The following ECM2 variants were observed in gnomAD, a reference collection of about 807,000 sequenced individuals.
ECM2 encodes extracellular matrix protein 2, also known as extracellular matrix protein 2, female organ and adipocyte specific.
ECM2 carries 57 observed loss-of-function variants against 67.5 expected under a neutral mutation model. That is an observed-to-expected ratio of 0.84 (90% CI 0.68 to 1.05). The LOEUF (loss-of-function observed/expected upper bound fraction) is 1.05. Among genes scored for constraint, ECM2 ranks in the 50% least tolerant of loss-of-function variants. ECM2 has a pLI of 0.00. For missense variants in ECM2, 741 were observed against 822.8 expected, an observed-to-expected ratio of 0.90 and a Z score of 1.22; for synonymous variants, 258 against 294.5, an observed-to-expected ratio of 0.88 and a Z score of 1.27.
At chr9:92,534,436 A>G (rs144388260) in intron 1 of ECM2, among the ~76,000 whole-genome samples, 1 of 152,328 alleles carries the variant, frequency 6.6e-6, no homozygotes, top group Non-Finnish European at 1.5e-5. Flanking sequence ...GGCAGTCTCT[A>G]AAGTATCTTC....
At chr9:92,537,564 G>A (rs1202008327), upstream of ECM2, among the ~76,000 whole-genome samples, 2 of 152,136 alleles carry the variant, frequency 1.3e-5, no homozygotes, top group Non-Finnish European at 2.9e-5. Context: ...GGAGGCTGAG[G>A]TAGGAGAATC....
chr9:92,533,331 ATATATAT>A (rs1563991509), intron 1 of ECM2, among the ~76,000 whole-genome samples: 981 of 78,974 alleles, frequency 0.012, 39 homozygotes, highest in East Asian at 0.12. Flanking sequence ...AAAAAAAAAT[ATATATAT>A]ATATATATAT....
At chr9:92,552,015 AT>A in the ECM2 span, among the ~76,000 whole-genome samples, 1 of 141,804 alleles carries the variant, frequency 7.1e-6, no homozygotes, top group East Asian at 2.0e-4. Flanking sequence ...TATATATATG[AT>A]ATGATAGATC....
At chr9:92,551,869 T>C in the ECM2 span, among the ~76,000 whole-genome samples, 1 of 149,458 alleles carries the variant, frequency 6.7e-6, no homozygotes, top group South Asian at 2.1e-4. Flanking sequence ...AATGGAATAC[T>C]ATGGAGCCAT....
At position 92,496,453 on chromosome 9, in the gene ECM2, A is replaced by C; in HGVS notation, c.1962T>G (p.Ala654=). 1.2e-6 allele frequency: 2 copies of C among 1,609,064 alleles called. No homozygotes were observed. Among genetic ancestry groups the C allele is most frequent in the Non-Finnish European group, 1.7e-6 (2 of 1,178,838 alleles). Residue 654 remains alanine (A), a synonymous_variant, in exon 10 of 10, where the codon GCT becomes GCG. Transcript: ENST00000344604. ...RNILPEEICN[A]EEDDDSNLEH... ...CCAGATTTGAGTCATCATCCTCTTC[A>C]GCATTGCAAATTTCTTCTGGAAGAA... is the stretch of plus-strand genomic sequence containing the variant.
the ECM2 span, among the ~76,000 whole-genome samples, chr9:92,550,697 A>G: frequency 6.6e-6 from 1 of 152,302 alleles, no homozygotes; most frequent in African/African-American, 2.4e-5. Flanking sequence ...ATGATATTCT[A>G]AATGTGTAAA....
chr9:92,496,225 A>T lies in ECM2; in HGVS notation c.*90T>A. 3 of 1,487,000 alleles carry T rather than the reference A, an allele frequency of 2.0e-6. No homozygotes were observed. Among genetic ancestry groups the T allele is most frequent in the Non-Finnish European group, 2.7e-6 (3 of 1,130,324 alleles). The allele number at this position is 1,487,000 out of a possible 1,614,324, so 92.1% of individuals were successfully genotyped here. Reference sequence around the variant, plus strand: ...CTAGCATATAATGATACTGAGTATAACAGGAGGATTATGTCTCTCTTATTA... The same window carrying T: ...CTAGCATATAATGATACTGAGTATATCAGGAGGATTATGTCTCTCTTATTA... On this transcript the variant is annotated 3_prime_UTR_variant, in exon 10 of 10. Coordinates refer to ENST00000344604, the MANE Select transcript of ECM2 (RefSeq NM_001393.4).
chr9:92,505,249 A>C (rs1846929883), intron 7 of ECM2, among the ~76,000 whole-genome samples: 1 of 152,138 alleles, frequency 6.6e-6, no homozygotes, highest in African/African-American at 2.4e-5. Context: ...ACCTCATGGA[A>C]GTTGTGGTTT....
At chr9:92,549,496 A>T in the ECM2 span, among the ~76,000 whole-genome samples, 1 of 152,000 alleles carries the variant, frequency 6.6e-6, no homozygotes, top group African/African-American at 2.4e-5. Context: ...AAAATACAAA[A>T]ATTAGCTGGG....
the ECM2 span, among the ~76,000 whole-genome samples, chr9:92,549,666 A>G: frequency 1.3e-5 from 2 of 151,696 alleles, no homozygotes; most frequent in African/African-American, 4.8e-5. Flanking sequence ...AAACAAAACA[A>G]AACAAAACTA....
intron 1 of ECM2, among the ~76,000 whole-genome samples, chr9:92,530,594 G>A (rs1444118822): frequency 1.3e-5 from 2 of 152,100 alleles, no homozygotes; most frequent in Admixed American, 6.6e-5. Flanking sequence ...AAATTTAGTC[G>A]TTATATCTTT....
At chr9:92,508,985 A>G (rs1207439996) in intron 6 of ECM2, among the ~76,000 whole-genome samples, 4 of 152,066 alleles carry the variant, frequency 2.6e-5, no homozygotes, top group Admixed American at 2.6e-4. Context: ...AAAAAAGTAC[A>G]CAGTACAATC....
chr9:92,543,462 A>ATC, the ECM2 span, among the ~76,000 whole-genome samples: 2 of 132,606 alleles, frequency 1.5e-5, no homozygotes, highest in Non-Finnish European at 3.2e-5. Context: ...ACAGAGTGAA[A>ATC]CCCTGTCTCA....
intron 1 of ECM2, among the ~76,000 whole-genome samples, chr9:92,523,808 G>T (rs963446437): frequency 3.9e-5 from 6 of 152,168 alleles, no homozygotes; most frequent in Non-Finnish European, 8.8e-5. Context: ...AGTGTTTATA[G>T]ATAAGAGAGC....
Position 92,495,445 on chromosome 9 carries a change from C to T in ECM2, c.*870G>A, listed in dbSNP as rs1295773017. 1.0e-6 allele frequency: 1 copy of T among 984,956 alleles called. No individual in the cohort carries two copies. Among genetic ancestry groups the T allele is most frequent in the Non-Finnish European group, 1.2e-6 (1 of 829,764 alleles). 61.0% of individuals were successfully genotyped at this position (984,956 alleles called of 1,614,324 possible). ...AGGCAAAGGAGATAGATGCTATGAC[C>T]AGTGGTGCAAAATTTTTCAAAAATT... On this transcript the variant is annotated 3_prime_UTR_variant, in exon 10 of 10. Transcript: ENST00000344604.
Position 92,495,536 on chromosome 9 carries a change from C to G in ECM2, c.*779G>C. 3 of 982,006 alleles carry G rather than the reference C, an allele frequency of 3.1e-6. No individual in the cohort carries two copies. The highest frequency in any genetic ancestry group is 3.6e-6 in the Non-Finnish European group (3 of 826,890). The allele number at this position is 982,006 out of a possible 1,614,324, so 60.8% of individuals were successfully genotyped here. Reference sequence around the variant, plus strand: ...AATTAATTTGTATTTTAAGCAAACTCTACTGCTTTTCAAAAAATGTCTTAA... The same window carrying G: ...AATTAATTTGTATTTTAAGCAAACTGTACTGCTTTTCAAAAAATGTCTTAA... On this transcript the variant is annotated 3_prime_UTR_variant, in exon 10 of 10. Coordinates refer to ENST00000344604, the MANE Select transcript of ECM2 (RefSeq NM_001393.4).
the ECM2 span, among the ~76,000 whole-genome samples, chr9:92,552,755 G>A: frequency 1.3e-4 from 20 of 152,188 alleles, no homozygotes; most frequent in African/African-American, 3.9e-4. Context: ...TTTGTCAGAT[G>A]TATAGATTGT....
the ECM2 span, among the ~76,000 whole-genome samples, chr9:92,543,582 GA>G: frequency 5.6e-5 from 8 of 142,280 alleles, no homozygotes; most frequent in African/African-American, 1.8e-4. Context: ...GAATGACATT[GA>G]AAAAAAAAGT....
chr9:92,509,212 G>A (rs1383654146), intron 6 of ECM2, among the ~76,000 whole-genome samples: 3 of 152,074 alleles, frequency 2.0e-5, no homozygotes, highest in Non-Finnish European at 4.4e-5. Flanking sequence ...ATGCCGTGGG[G>A]TGTGGAGTTA....
Sources: gnomAD v4.1 joint callset for allele counts (sites outside exome capture counted in the v4.1 genomes callset) on GRCh38, gnomAD v4.1.1 for gene constraint, MANE v1.5 for transcripts, NCBI Gene and HGNC (gene_info 2026-07-23, HGNC 2026-07-21) for gene names.